Variants in PCCB observed in about 807,000 individuals in gnomAD.
PCCB encodes propionyl-CoA carboxylase subunit beta.
Under a neutral mutation model 60.7 loss-of-function variants are expected in PCCB, and 43 were observed. The ratio of observed to expected loss-of-function variants is 0.71; its 90% CI spans 0.55 to 0.91. The LOEUF is 0.91. Among genes scored for constraint, PCCB ranks in the 40% least tolerant of loss-of-function variants. The probability of loss-of-function intolerance (pLI) is 0.00; values close to 1 mark genes in which losing one functional copy is unlikely to be tolerated. For missense variants in PCCB, 766 were observed against 702.8 expected, an observed-to-expected ratio of 1.09 and a Z score of -1.02; for synonymous variants, 276 against 255.9, an observed-to-expected ratio of 1.08 and a Z score of -0.75.
chr3:136,317,964 A>G (rs1162217520), intron 10 of PCCB, among the ~76,000 whole-genome samples: 2 of 152,126 alleles, frequency 1.3e-5, no homozygotes, highest in African/African-American at 2.4e-5. Context: ...TTTGTTTTGT[A>G]TCCTTGTTTA....
At chr3:136,254,200 A>C (rs1941602562) in intron 1 of PCCB, among the ~76,000 whole-genome samples, 1 of 151,698 alleles carries the variant, frequency 6.6e-6, no homozygotes, top group African/African-American at 2.4e-5. Flanking sequence ...TGGGAGCCCA[A>C]GCAATGGCGG....
rs59099393 is a variant in PCCB at position 136,253,082 on chromosome 3, G to GTTTTT, written c.183+2545_183+2549dup. Among the ~76,000 whole-genome samples the GTTTTT allele has an allele frequency of 3.6e-4, 26 of 71,480 alleles. 4 individuals carry two copies. The highest frequency in any genetic ancestry group is 1.1e-3 in the Admixed American group (5 of 4,688). The allele number at this position is 71,480 out of a possible 152,430, so 46.9% of individuals were successfully genotyped here. ...GAGCTTGGGAGTCCAAGCAATGGAG[G>GTTTTT]TTTTTTTTTTTTTTTTTTTTTTTTT... On this transcript the variant is annotated intron_variant, in intron 1 of 14. Transcript: ENST00000251654.
chr3:136,260,486 C>A lies in PCCB; in HGVS notation c.380C>A (p.Thr127Lys). The change falls in exon 4 of 15, where the codon ACA becomes AAA. Residue 127 changes from threonine to lysine, a missense_variant. Thr to Lys is a moderately conservative substitution (Grantham distance 78). Transcript: ENST00000251654. Reference protein sequence around the residue: ...RLVYVFSQDFTVFGGSLSGAH... With the variant: ...RLVYVFSQDFKVFGGSLSGAH... ...TTTGTATTTTCTTTTTAGGATTTTA[C>A]AGTTTTTGGAGGCAGTCTGTCAGGA... 1 of 1,613,038 alleles carries A rather than the reference C, an allele frequency of 6.2e-7. No individual in the cohort carries two copies. Among genetic ancestry groups the A allele is most frequent in the Non-Finnish European group, 8.5e-7 (1 of 1,179,162 alleles).
intron 9 of PCCB, among the ~76,000 whole-genome samples, chr3:136,301,913 G>A (rs182419798): frequency 1.8e-4 from 28 of 152,270 alleles, no homozygotes; most frequent in Non-Finnish European, 3.8e-4. Flanking sequence ...ATATGCAGTT[G>A]TTTTTGAGTG....
intron 3 of PCCB, among the ~76,000 whole-genome samples, chr3:136,257,285 A>G (rs79256588): frequency 6.6e-6 from 1 of 152,148 alleles, no homozygotes; most frequent in East Asian, 1.9e-4. Flanking sequence ...CATGATCTGC[A>G]GTACCTGGCT....
rs59099393 is a variant in PCCB at position 136,253,082 on chromosome 3, G to GTTTTTTT, written c.183+2543_183+2549dup. Among the ~76,000 whole-genome samples, 7 of 71,490 alleles carry GTTTTTTT rather than the reference G, an allele frequency of 9.8e-5. 1 individual carries two copies. The highest frequency in any genetic ancestry group is 1.7e-4 in the Non-Finnish European group (7 of 41,046). The allele number at this position is 71,490 out of a possible 152,430, so 46.9% of individuals were successfully genotyped here. A position where few individuals can be genotyped will look rare whatever the true frequency, so the allele number is the denominator to read the frequency against. ...GAGCTTGGGAGTCCAAGCAATGGAG[G>GTTTTTTT]TTTTTTTTTTTTTTTTTTTTTTTTT... On this transcript the variant is annotated intron_variant, in intron 1 of 14. Transcript: ENST00000251654.
intron 5 of PCCB, among the ~76,000 whole-genome samples, chr3:136,262,663 G>T (rs1941858289): frequency 6.6e-6 from 1 of 152,204 alleles, no homozygotes; most frequent in South Asian, 2.1e-4. Context: ...GTAAGAGGCT[G>T]GGATGAGGGA....
chr3:136,273,169 C>A (rs997676299), intron 5 of PCCB, among the ~76,000 whole-genome samples: 3 of 152,196 alleles, frequency 2.0e-5, no homozygotes, highest in African/African-American at 7.2e-5. Context: ...CCACTGTAGT[C>A]TGAGAAGATA....
chr3:136,268,158 A>G (rs1942087638), intron 5 of PCCB, among the ~76,000 whole-genome samples: 1 of 143,564 alleles, frequency 7.0e-6, no homozygotes, highest in Admixed American at 7.1e-5. Context: ...ACACAAGTAC[A>G]TATAAGAGAG....
chr3:136,252,178 G>A (rs981926131), intron 1 of PCCB: 12 of 418,120 alleles, frequency 2.9e-5, no homozygotes, highest in Middle Eastern at 3.8e-4. Context: ...CACTGCACCC[G>A]GCCCTGCACC....
At chr3:136,275,232 A>G (rs1452430868) in intron 5 of PCCB, among the ~76,000 whole-genome samples, 1 of 151,860 alleles carries the variant, frequency 6.6e-6, no homozygotes, top group East Asian at 1.9e-4. Flanking sequence ...GAAACTTTCC[A>G]TTGCATTTTG....
At chr3:136,291,788 T>C (rs1316173104) in intron 6 of PCCB, among the ~76,000 whole-genome samples, 1 of 152,124 alleles carries the variant, frequency 6.6e-6, no homozygotes, top group Non-Finnish European at 1.5e-5. Context: ...CAGAAGGGTC[T>C]TTTTTTCCCC....
intron 5 of PCCB, among the ~76,000 whole-genome samples, chr3:136,268,087 G>GAGATATATATAT (rs1553775716): frequency 1.1e-5 from 1 of 93,800 alleles, no homozygotes; most frequent in African/African-American, 4.6e-5. Context: ...TGTGTGTGTA[G>GAGATATATATAT]ATATATATAT....
chr3:136,275,456 C>G (rs537863927), intron 5 of PCCB, among the ~76,000 whole-genome samples: 2 of 151,938 alleles, frequency 1.3e-5, no homozygotes, highest in Non-Finnish European at 2.9e-5. Context: ...TAGTTTGGAT[C>G]CATTGCTGGG....
intron 6 of PCCB, among the ~76,000 whole-genome samples, chr3:136,285,996 C>A (rs1933384419): frequency 6.6e-6 from 1 of 152,096 alleles, no homozygotes; most frequent in Non-Finnish European, 1.5e-5. Context: ...GGAAGAAACA[C>A]CATGCAAGAA....
chr3:136,301,700 C>T (rs1336489158), intron 9 of PCCB, among the ~76,000 whole-genome samples: 4 of 152,032 alleles, frequency 2.6e-5, no homozygotes, highest in African/African-American at 4.8e-5. Context: ...TGCAACACAT[C>T]GTGATGGCTC....
intron 5 of PCCB, among the ~76,000 whole-genome samples, chr3:136,263,442 G>C (rs1941886063): frequency 6.6e-6 from 1 of 151,038 alleles, no homozygotes; most frequent in African/African-American, 2.4e-5. Context: ...ATTTTTTTTT[G>C]TATTTTTTTT....
intron 13 of PCCB, among the ~76,000 whole-genome samples, chr3:136,328,254 A>C (rs1389447560): frequency 1.3e-5 from 2 of 152,150 alleles, no homozygotes; most frequent in Admixed American, 1.3e-4. Context: ...GATAACTTCC[A>C]GGTCCCCTAG....
At chr3:136,322,371 G>T (rs1935140571) in intron 10 of PCCB, among the ~76,000 whole-genome samples, 1 of 152,092 alleles carries the variant, frequency 6.6e-6, no homozygotes, top group South Asian at 2.1e-4. Context: ...CTAATATTTT[G>T]TTGAGGATTT....
Sources: allele counts gnomAD v4.1 joint callset (sites outside exome capture counted in the v4.1 genomes callset), GRCh38; gene constraint gnomAD v4.1.1; transcripts MANE v1.5; gene names NCBI Gene and HGNC (gene_info 2026-07-23, HGNC 2026-07-21).